Variants in RTRAF observed in about 807,000 individuals in gnomAD.
The protein encoded by RTRAF is RNA transcription, translation and transport factor.
A neutral mutation model predicts 34.4 loss-of-function variants in RTRAF; 14 were observed. The ratio of observed to expected loss-of-function variants is 0.41; its 90% CI spans 0.27 to 0.64. The LOEUF (loss-of-function observed/expected upper bound fraction) is 0.64. RTRAF is among the 30% of genes least tolerant of loss of function. RTRAF has a pLI of 0.34. For missense variants in RTRAF, 291 were observed against 288.4 expected, an observed-to-expected ratio of 1.01 and a Z score of -0.06; for synonymous variants, 96 against 95.3, an observed-to-expected ratio of 1.01 and a Z score of -0.04.
chr14:51,989,695 G>A lies in RTRAF; in HGVS notation c.56G>A (p.Cys19Tyr). Reference protein sequence around the residue: ...LDYHNPAGFNCKDETEFRNFI... With the variant: ...LDYHNPAGFNYKDETEFRNFI... ...TACCACAACCCCGCCGGCTTCAACT[G>A]CAAAGGTGAGGCGGCGGCCTCAGCC... The change falls in exon 1 of 8, where the codon TGC becomes TAC. Residue 19 changes from cysteine to tyrosine, a missense_variant. Cys to Tyr is a radical substitution (Grantham distance 194). Transcript: ENST00000261700. 2 of 1,602,618 alleles carry A rather than the reference G, an allele frequency of 1.2e-6. No individual in the cohort carries two copies. The highest frequency in any genetic ancestry group is 1.7e-6 in the Non-Finnish European group (2 of 1,175,140).
chr14:52,003,044 G>T (rs894614125), intron 6 of RTRAF, among the ~76,000 whole-genome samples: 3 of 152,188 alleles, frequency 2.0e-5, no homozygotes, highest in Non-Finnish European at 2.9e-5. Context: ...TTGGAAGGCA[G>T]TGTAAGTAAA....
chr14:52,002,846 A>C (rs986032452), intron 6 of RTRAF, among the ~76,000 whole-genome samples: 2 of 152,214 alleles, frequency 1.3e-5, no homozygotes, highest in African/African-American at 4.8e-5. Context: ...TACTAATGCC[A>C]GGGCAGTATC....
chr14:51,991,392 G>A lies in RTRAF; in HGVS notation c.137G>A (p.Gly46Glu). Residue 46 changes from glycine (G) to glutamate (E), a missense_variant, in exon 2 of 8, where the codon GGG (glycine) becomes GAG (glutamate). Physicochemically the swap from Gly to Glu is moderately conservative, Grantham distance 98. Coordinates refer to ENST00000261700, the MANE Select transcript of RTRAF (RefSeq NM_016039.3). ...KIRHYKIEDR[G>E]NLRNIHSSDW... ...AGGCACTACAAGATTGAAGACAGAG[G>A]GAATTTAAGAAACATCCACAGCAGC... 1.9e-6 allele frequency: 3 copies of A among 1,613,426 alleles called. No individual in the cohort carries two copies. Among genetic ancestry groups the A allele is most frequent in the African/African-American group, 1.3e-5 (1 of 74,984 alleles).
In RTRAF at chr14:51,999,751, C is replaced by T; in HGVS notation, c.417C>T (p.Asn139=). Residue 139 remains asparagine (N), a synonymous_variant, in exon 5 of 8, where the codon AAC becomes AAT. Transcript: ENST00000261700. ...AGGCTGGTGTGATGGCTTTGGCTAACCTGCTTCAGATTCAGCGTCATGATG... is the reference window on the plus strand; with the variant it reads ...AGGCTGGTGTGATGGCTTTGGCTAATCTGCTTCAGATTCAGCGTCATGATG... ...DFKAGVMALA[N]LLQIQRHDDY... is the part of the protein sequence containing the mutation. 3 of 1,610,640 alleles carry T rather than the reference C, an allele frequency of 1.9e-6. No individual in the cohort carries two copies. The highest frequency in any genetic ancestry group is 3.3e-4 in the Middle Eastern group (2 of 6,044).
rs1445096625 is a variant in RTRAF at position 52,005,728 on chromosome 14, A to C, written c.*1212A>C. ...AATTTAAAGGAGCATCCTAAAGCAT[A>C]CTTTTTACCTGTTGGGCAGTAGGGG... On this transcript the variant is annotated 3_prime_UTR_variant, in exon 8 of 8. Coordinates refer to ENST00000261700, the MANE Select transcript of RTRAF (RefSeq NM_016039.3). The C allele has an allele frequency of 3.1e-6, 5 of 1,602,514 alleles. No homozygotes were observed. Among genetic ancestry groups the C allele is most frequent in the African/African-American group, 1.3e-5 (1 of 74,700 alleles).
rs149983760 is a variant in RTRAF at position 52,006,619 on chromosome 14, G to A, written c.*2103G>A. 8.7e-6 allele frequency: 14 copies of A among 1,613,788 alleles called. No individual in the cohort carries two copies. The highest frequency in any genetic ancestry group is 3.3e-5 in the Admixed American group (2 of 60,014). ...TTGAGGTTGTTTTGAATGACACGCCGTCCAGTTCCATCAGGTAGTGTACAC... is the reference window on the plus strand; with the variant it reads ...TTGAGGTTGTTTTGAATGACACGCCATCCAGTTCCATCAGGTAGTGTACAC... On this transcript the variant is annotated 3_prime_UTR_variant, in exon 8 of 8. Transcript: ENST00000261700.
Position 52,004,789 on chromosome 14 carries a change from A to G in RTRAF, c.*273A>G, listed in dbSNP as rs1313392420. ...CCCCCAGCTTTGTCCTAGAGACAAT[A>G]TAGATCCTTAAGTCATAGGAAAACT... On this transcript the variant is annotated 3_prime_UTR_variant, in exon 8 of 8. Coordinates refer to ENST00000261700, the MANE Select transcript of RTRAF (RefSeq NM_016039.3). 2 of 296,292 alleles carry G rather than the reference A, an allele frequency of 6.8e-6. No homozygotes were observed. Among genetic ancestry groups the G allele is most frequent in the Non-Finnish European group, 1.2e-5 (2 of 162,504 alleles). The allele number at this position is 296,292 out of a possible 1,614,324, so 18.4% of individuals were successfully genotyped here.
At chr14:52,003,690 C>T (rs1890647045) in intron 6 of RTRAF, among the ~76,000 whole-genome samples, 1 of 152,108 alleles carries the variant, frequency 6.6e-6, no homozygotes, top group Admixed American at 6.6e-5. Flanking sequence ...ACTTCCAAGT[C>T]AAGTCTTGAA....
At position 51,993,345 on chromosome 14, in the gene RTRAF, A is replaced by G. The variant is rs547092380; in HGVS notation, c.187-378A>G. ...CCATAATATGAAAGTTAAGGTTTAG[A>G]TAGATAATGATTTATTGTATATCCT... On this transcript the variant is annotated intron_variant, in intron 2 of 7. Coordinates refer to ENST00000261700, the MANE Select transcript of RTRAF (RefSeq NM_016039.3). Among the ~76,000 whole-genome samples, 102 of 152,246 alleles carry G rather than the reference A, an allele frequency of 6.7e-4. 1 individual carries two copies. Among genetic ancestry groups the G allele is most frequent in the African/African-American group, 2.3e-3 (96 of 41,540 alleles).
Position 52,008,201 on chromosome 14 carries a change from T to C in RTRAF, c.*3685T>C. 1 of 395,516 alleles carries C rather than the reference T, an allele frequency of 2.5e-6. No individual in the cohort carries two copies. The highest frequency in any genetic ancestry group is 4.4e-5 in the East Asian group (1 of 22,560). 24.5% of individuals were successfully genotyped at this position (395,516 alleles called of 1,614,324 possible). On this transcript the variant is annotated 3_prime_UTR_variant, in exon 8 of 8. Transcript: ENST00000261700. ...AAAAACTGGTTTCTGCCTTAGGGGCTCTCTCTTGCTCCCTTTGAGGGAAGC... is the reference window on the plus strand; with the variant it reads ...AAAAACTGGTTTCTGCCTTAGGGGCCCTCTCTTGCTCCCTTTGAGGGAAGC...
At position 52,007,490 on chromosome 14, in the gene RTRAF, T is replaced by TC; in HGVS notation, c.*2975dup. ...GTTTATAGGTAAGTTATAGTGACCC[T>TC]CTCCCCGCATAAGAATAACTTCACT... On this transcript the variant is annotated 3_prime_UTR_variant, in exon 8 of 8. Coordinates refer to ENST00000261700, the MANE Select transcript of RTRAF (RefSeq NM_016039.3). 1 of 311,728 alleles carries TC rather than the reference T, an allele frequency of 3.2e-6. No homozygotes were observed. 19.3% of individuals were successfully genotyped at this position (311,728 alleles called of 1,614,324 possible). A position where few individuals can be genotyped will look rare whatever the true frequency, so the allele number is the denominator to read the frequency against.
Position 52,008,787 on chromosome 14 carries a change from G to A in RTRAF, c.*4271G>A, listed in dbSNP as rs1164671897. ...GGAACTTGAAGAGATGTGGACCAGG[G>A]ATTTGAGAAGGAAACTGTTCTTTCT... is the stretch of plus-strand genomic sequence containing the variant. On this transcript the variant is annotated 3_prime_UTR_variant, in exon 8 of 8. Coordinates refer to ENST00000261700, the MANE Select transcript of RTRAF (RefSeq NM_016039.3). 6.6e-6 allele frequency: 1 copy of A among 152,190 alleles called. No homozygotes were observed. The highest frequency in any genetic ancestry group is 2.4e-5 in the African/African-American group (1 of 41,448). The allele number at this position is 152,190 out of a possible 1,614,324, so 9.4% of individuals were successfully genotyped here. A position where few individuals can be genotyped will look rare whatever the true frequency, so the allele number is the denominator to read the frequency against.
At chr14:51,996,713 G>A (rs1362895679) in intron 3 of RTRAF, among the ~76,000 whole-genome samples, 1 of 151,828 alleles carries the variant, frequency 6.6e-6, no homozygotes, top group Non-Finnish European at 1.5e-5. Context: ...AAACAACTTT[G>A]TCTTATATAA....
In RTRAF at chr14:52,005,695, A is replaced by C. The variant is rs763516894; in HGVS notation, c.*1179A>C. The C allele has an allele frequency of 2.0e-6, 3 of 1,502,972 alleles. No individual in the cohort carries two copies. In the Admixed American group the frequency reaches 5.0e-5, roughly 25 times the overall value. The allele number at this position is 1,502,972 out of a possible 1,614,324, so 93.1% of individuals were successfully genotyped here. ...CAAATACCATATATATCCCTTCTCT[A>C]CCCTGCTAATTTAAAGGAGCATCCT... is the stretch of plus-strand genomic sequence containing the variant. On this transcript the variant is annotated 3_prime_UTR_variant, in exon 8 of 8. Transcript: ENST00000261700.
At chr14:51,992,437 CAAT>C (rs200602155) in intron 2 of RTRAF, among the ~76,000 whole-genome samples, 1 of 152,124 alleles carries the variant, frequency 6.6e-6, no homozygotes, top group East Asian at 1.9e-4. Flanking sequence ...GTGAGGGTAA[CAAT>C]GATACCTATC....
intron 5 of RTRAF, among the ~76,000 whole-genome samples, chr14:52,000,902 G>C (rs1890591581): frequency 6.6e-6 from 1 of 152,070 alleles, no homozygotes; most frequent in Admixed American, 6.5e-5. Context: ...AAACCCAAGG[G>C]GATAAAGTAT....
At position 52,004,354 on chromosome 14, in the gene RTRAF, T is replaced by C. The variant is rs776519497; in HGVS notation, c.581-8T>C. 9.9e-6 allele frequency: 16 copies of C among 1,612,778 alleles called. 1 individual carries two copies. In the Admixed American group the frequency reaches 2.5e-4, roughly 25 times the overall value. ...GTATTGAAGCAGTGTTCTTTTCTCA[T>C]AAAACAGATGCAGTTCTTAATGAAG... On this transcript the variant is annotated splice_region_variant and splice_polypyrimidine_tract_variant and intron_variant, in intron 7 of 7. Coordinates refer to ENST00000261700, the MANE Select transcript of RTRAF (RefSeq NM_016039.3).
Position 52,005,817 on chromosome 14 carries a change from C to T in RTRAF, c.*1301C>T, listed in dbSNP as rs758367436. On this transcript the variant is annotated 3_prime_UTR_variant, in exon 8 of 8. Coordinates refer to ENST00000261700, the MANE Select transcript of RTRAF (RefSeq NM_016039.3). ...TGGGAGATACTCATCAGTAAACTGG[C>T]CACTATGTTTATTTACTGATACAAC... 2 of 1,613,526 alleles carry T rather than the reference C, an allele frequency of 1.2e-6. No individual in the cohort carries two copies. The highest frequency in any genetic ancestry group is 1.7e-6 in the Non-Finnish European group (2 of 1,179,528).
At chr14:51,998,898 G>C (rs984808472) in intron 4 of RTRAF, among the ~76,000 whole-genome samples, 3 of 151,924 alleles carry the variant, frequency 2.0e-5, no homozygotes, top group Non-Finnish European at 4.4e-5. Flanking sequence ...TATCAGACAA[G>C]TGGTAAAATT....
Sources: gnomAD v4.1 joint callset for allele counts (sites outside exome capture counted in the v4.1 genomes callset) on GRCh38, gnomAD v4.1.1 for gene constraint, MANE v1.5 for transcripts, NCBI Gene and HGNC (gene_info 2026-07-23, HGNC 2026-07-21) for gene names.